The following ILRUN variants were observed in gnomAD, a reference collection of about 807,000 sequenced individuals.
ILRUN encodes protein ILRUN.
A neutral mutation model predicts 33.8 loss-of-function variants in ILRUN; 3 were observed. The ratio of observed to expected loss-of-function variants is 0.09; its 90% confidence interval spans 0.04 to 0.23. ILRUN has a LOEUF of 0.23. Ranked by LOEUF, ILRUN falls within the 10% of genes least tolerant of loss-of-function variation. The pLI is 1.00. For missense variants in ILRUN, 210 were observed against 375.1 expected, an observed-to-expected ratio of 0.56 and a Z score of 3.64; for synonymous variants, 124 against 138.9, an observed-to-expected ratio of 0.89 and a Z score of 0.75.
intron 1 of ILRUN, among the ~76,000 whole-genome samples, chr6:34,667,779 G>C (rs1045692472): frequency 6.6e-6 from 1 of 151,968 alleles, no homozygotes; most frequent in Non-Finnish European, 1.5e-5. Context: ...AGGACACTCC[G>C]ACTGGCATAA....
intron 3 of ILRUN, among the ~76,000 whole-genome samples, chr6:34,639,494 G>A (rs547756701): frequency 4.6e-5 from 7 of 152,134 alleles, no homozygotes; most frequent in Non-Finnish European, 7.3e-5. Context: ...GCTAAAACAA[G>A]GACAATCACT....
chr6:34,597,356 T>G (rs188518254), intron 4 of ILRUN, among the ~76,000 whole-genome samples: 35 of 152,168 alleles, frequency 2.3e-4, no homozygotes, highest in Admixed American at 9.8e-4. Flanking sequence ...TCTCCTAGGG[T>G]AGAGGAGATT....
intron 1 of ILRUN, among the ~76,000 whole-genome samples, chr6:34,686,394 G>A (rs545738855): frequency 1.4e-5 from 2 of 147,972 alleles, no homozygotes; most frequent in African/African-American, 5.1e-5. Flanking sequence ...CAGCTACTCA[G>A]GAGGCTGAGG....
At chr6:34,673,917 A>ACACACT (rs1252526977) in intron 1 of ILRUN, among the ~76,000 whole-genome samples, 1 of 151,486 alleles carries the variant, frequency 6.6e-6, no homozygotes, top group African/African-American at 2.4e-5. Context: ...ACACACACAC[A>ACACACT]CACACACACA....
intron 1 of ILRUN, among the ~76,000 whole-genome samples, chr6:34,684,452 GGCATAA>G (rs751190015): frequency 8.6e-5 from 13 of 152,032 alleles, no homozygotes; most frequent in Non-Finnish European, 1.6e-4. Context: ...GAGTAACATA[GGCATAA>G]GAAAAAAATT....
intron 1 of ILRUN, among the ~76,000 whole-genome samples, chr6:34,679,081 T>A (rs1421528414): frequency 6.7e-6 from 1 of 149,320 alleles, no homozygotes; most frequent in African/African-American, 2.5e-5. Flanking sequence ...CCAAACCCCA[T>A]GACCCGCAAT....
At chr6:34,677,343 AG>A (rs1763257881) in intron 1 of ILRUN, among the ~76,000 whole-genome samples, 1 of 152,094 alleles carries the variant, frequency 6.6e-6, no homozygotes, top group Admixed American at 6.6e-5. Context: ...AAAATAATTA[AG>A]CAAGTGAACA....
At chr6:34,606,452 C>A in intron 4 of ILRUN, 103 bp downstream of exon 4, 1 of 880,658 alleles carries the variant, frequency 1.1e-6, no homozygotes, top group South Asian at 1.7e-5. Flanking sequence ...CTTAAAGAAC[C>A]TCCTCTGGGG....
At chr6:34,681,799 C>G (rs73413845) in intron 1 of ILRUN, among the ~76,000 whole-genome samples, 4,516 of 148,922 alleles carry the variant, frequency 0.03, 192 homozygotes, top group African/African-American at 0.089. Context: ...GTTGCTTAAT[C>G]AGAAGGGATT....
At chr6:34,624,181 T>A (rs1259424489) in intron 3 of ILRUN, among the ~76,000 whole-genome samples, 1 of 152,090 alleles carries the variant, frequency 6.6e-6, no homozygotes, top group Non-Finnish European at 1.5e-5. Context: ...TGGGACATAC[T>A]TGGTACATCT....
chr6:34,599,568 T>C (rs377406324), intron 4 of ILRUN, among the ~76,000 whole-genome samples: 20 of 152,074 alleles, frequency 1.3e-4, no homozygotes, highest in African/African-American at 2.2e-4. Flanking sequence ...AAAAAAGACT[T>C]AACTGGCCCA....
intron 3 of ILRUN, among the ~76,000 whole-genome samples, chr6:34,638,158 G>A (rs1762403661): frequency 6.6e-6 from 1 of 152,008 alleles, no homozygotes; most frequent in African/African-American, 2.4e-5. Flanking sequence ...AAAGTGCTGG[G>A]ACTACAGGCA....
chr6:34,646,539 T>C lies in ILRUN; in HGVS notation c.511+62A>G, dbSNP rs1762567312. On this transcript the variant is annotated intron_variant, in intron 3 of 4. Coordinates refer to ENST00000374023, the MANE Select transcript of ILRUN (RefSeq NM_024294.4). This position sits in a 1 kb window ranked among gnomAD's most constrained non-coding sequence, Gnocchi z 4.9. Reference sequence around the variant, plus strand: ...ATTTGACAGGCTCTGTGAGCAACACTGGGGATGTTATAAGATGTTACCTTA... The same window carrying C: ...ATTTGACAGGCTCTGTGAGCAACACCGGGGATGTTATAAGATGTTACCTTA... 1 of 1,531,034 alleles carries C rather than the reference T, an allele frequency of 6.5e-7. No individual in the cohort carries two copies. Among genetic ancestry groups the C allele is most frequent in the Admixed American group, 1.7e-5 (1 of 58,974 alleles). 94.8% of individuals were successfully genotyped at this position (1,531,034 alleles called of 1,614,324 possible).
intron 4 of ILRUN, among the ~76,000 whole-genome samples, chr6:34,594,059 C>A (rs578162241): frequency 6.6e-6 from 1 of 152,266 alleles, no homozygotes; most frequent in African/African-American, 2.4e-5. Context: ...ACAATCCCAG[C>A]CTAAAAGTAG....
chr6:34,660,615 A>G (rs753512192), intron 1 of ILRUN, among the ~76,000 whole-genome samples: 1 of 152,158 alleles, frequency 6.6e-6, no homozygotes, highest in Non-Finnish European at 1.5e-5. Flanking sequence ...TACTAAAGCC[A>G]TGTACCACCA....
In ILRUN at chr6:34,686,690, C is replaced by A. The variant is rs546300685; in HGVS notation, c.158+9756G>T. Reference sequence around the variant, plus strand: ...GTGATACAGTATAAGAAAGGCAGGCCGGGCGCGGTGGCTCACGCCTGTAAT... The same window carrying A: ...GTGATACAGTATAAGAAAGGCAGGCAGGGCGCGGTGGCTCACGCCTGTAAT... On this transcript the variant is annotated intron_variant, in intron 1 of 4. Transcript: ENST00000374023. 4.0e-3 allele frequency: 853 copies of A among 210,996 alleles called. 5 individuals carry two copies. The highest frequency in any genetic ancestry group is 0.015 in the African/African-American group (632 of 42,604). The allele number at this position is 210,996 out of a possible 1,614,324, so 13.1% of individuals were successfully genotyped here.
intron 3 of ILRUN, among the ~76,000 whole-genome samples, chr6:34,638,954 T>C (rs569254027): frequency 2.0e-5 from 3 of 152,268 alleles, no homozygotes; most frequent in Non-Finnish European, 4.4e-5. Context: ...CATCATGGAT[T>C]CTAGTATGAA....
Position 34,619,280 on chromosome 6 carries a change from G to C in ILRUN, c.512-12376C>G, listed in dbSNP as rs566884319. The stretch of plus-strand genomic sequence containing the variant: ...TTTAAAACAACTCAAATGTTCATCA[G>C]TAGGTACACAGAATATATATATATA... On this transcript the variant is annotated intron_variant, in intron 3 of 4. Coordinates refer to ENST00000374023, the MANE Select transcript of ILRUN (RefSeq NM_024294.4). 7.2e-5 allele frequency among the ~76,000 whole-genome samples: 11 copies of C among 152,158 alleles called. 1 individual carries two copies. In the South Asian group the frequency reaches 2.3e-3, roughly 32 times the overall value.
At chr6:34,688,469 G>C (rs1358766742) in intron 1 of ILRUN, among the ~76,000 whole-genome samples, 1 of 149,894 alleles carries the variant, frequency 6.7e-6, no homozygotes, top group Non-Finnish European at 1.5e-5. Context: ...AAAACATAAT[G>C]CTAAATGAAA....
Sources: gnomAD v4.1 joint callset for allele counts (sites outside exome capture counted in the v4.1 genomes callset) on GRCh38, gnomAD v4.1.1 for gene constraint, Gnocchi (gnomAD v3.1) non-coding constraint, MANE v1.5 for transcripts, NCBI Gene and HGNC (gene_info 2026-07-23, HGNC 2026-07-21) for gene names.